EMCN: variants seen among roughly 807,000 people sequenced by gnomAD.
The protein encoded by EMCN is endomucin, also known as MUC-14.
Under a neutral mutation model 38.4 loss-of-function variants are expected in EMCN, and 37 were observed. The ratio of observed to expected loss-of-function variants is 0.96; its 90% CI spans 0.74 to 1.27. The LOEUF is 1.27. Ranked by LOEUF, EMCN falls within the 50% of genes most tolerant of loss-of-function variation. EMCN has a pLI of 0.00. For missense variants in EMCN, 318 were observed against 302.8 expected (o/e 1.05, Z -0.37); for synonymous variants, 95 against 100.8 (o/e 0.94, Z 0.35).
rs1157392499 is a variant in EMCN, at chr4:100,446,277, G to T, written c.415+1256C>A. ...GAAGATGGAAATAATAAAAAATATG[G>T]TGATTAATGAATTAAAAAAATGGTG... On this transcript the variant is annotated intron_variant, in intron 5 of 11. Transcript: ENST00000296420. The T allele has an allele frequency of 2.5e-5, 21 of 850,588 alleles. No homozygotes were observed. In the East Asian group the frequency reaches 2.2e-3, roughly 89 times the overall value. 52.7% of individuals were successfully genotyped at this position (850,588 alleles called of 1,614,324 possible). A position where few individuals can be genotyped will look rare whatever the true frequency, so the allele number is the denominator to read the frequency against.
At chr4:100,432,752 T>C (rs1727236945) in intron 5 of EMCN, among the ~76,000 whole-genome samples, 1 of 152,158 alleles carries the variant, frequency 6.6e-6, no homozygotes, top group Non-Finnish European at 1.5e-5. Flanking sequence ...AGTGGAGATG[T>C]CTTTAGATCT....
At chr4:100,463,015 A>G (rs1411931141) in intron 4 of EMCN, among the ~76,000 whole-genome samples, 1 of 152,140 alleles carries the variant, frequency 6.6e-6, no homozygotes, top group Non-Finnish European at 1.5e-5. Flanking sequence ...ATTTCTTAGT[A>G]AGGACTATGG....
At chr4:100,494,946 T>C (rs1729173403) in intron 1 of EMCN, among the ~76,000 whole-genome samples, 1 of 151,838 alleles carries the variant, frequency 6.6e-6, no homozygotes, top group African/African-American at 2.4e-5. Context: ...TAATTAACTG[T>C]ATTTTTTTTG....
At chr4:100,419,571 T>G (rs77505208) in intron 8 of EMCN, among the ~76,000 whole-genome samples, 4,097 of 152,258 alleles carry the variant, frequency 0.027, 192 homozygotes, top group African/African-American at 0.092. Flanking sequence ...AAAGTAATTT[T>G]TAGTATAGCA....
At chr4:100,413,963 C>T (rs893084615) in intron 10 of EMCN, among the ~76,000 whole-genome samples, 7 of 152,170 alleles carry the variant, frequency 4.6e-5, no homozygotes, top group Admixed American at 1.3e-4. Context: ...AGAGCCTACA[C>T]GGAATTTTCC....
intron 5 of EMCN, among the ~76,000 whole-genome samples, chr4:100,427,534 A>T (rs1290835905): frequency 7.1e-6 from 1 of 140,808 alleles, no homozygotes; most frequent in African/African-American, 2.7e-5. Context: ...TGATCTTCCC[A>T]CCTCAGCCTC....
At chr4:100,492,604 A>G (rs1007049260) in intron 1 of EMCN, among the ~76,000 whole-genome samples, 5 of 152,210 alleles carry the variant, frequency 3.3e-5, no homozygotes, top group Non-Finnish European at 7.4e-5. Context: ...ACCAAGACAC[A>G]TCACAATCAA....
At chr4:100,501,973 C>G (rs935340331) in intron 1 of EMCN, among the ~76,000 whole-genome samples, 2 of 151,782 alleles carry the variant, frequency 1.3e-5, no homozygotes, top group African/African-American at 4.8e-5. Context: ...ATTGAAGATG[C>G]AGCACACAAG....
At position 100,517,847 on chromosome 4, in the gene EMCN, A is replaced by G; in HGVS notation, c.64+4T>C. 3 of 1,612,494 alleles carry G rather than the reference A, an allele frequency of 1.9e-6. No individual in the cohort carries two copies. The highest frequency in any genetic ancestry group is 2.5e-6 in the Non-Finnish European group (3 of 1,178,814). ...ACCACCAGAGGAATAAGAGACAAAA[A>G]TACCTGTGCTGTTACTGCTGCAAAT... On this transcript the variant is annotated splice_donor_region_variant and intron_variant, in intron 1 of 11. Transcript: ENST00000296420.
chr4:100,509,340 C>T lies in EMCN; in HGVS notation c.64+8511G>A, dbSNP rs1156479824. ...GAAAAAATAAAAAGTTCACTGATCA[C>T]ATCATTTAATTATTCTAATCCCAAT... On this transcript the variant is annotated intron_variant, in intron 1 of 11. Coordinates refer to ENST00000296420, the MANE Select transcript of EMCN (RefSeq NM_016242.4). Among the ~76,000 whole-genome samples the T allele has an allele frequency of 2.6e-5, 4 of 152,308 alleles. No homozygotes were observed. In the Middle Eastern group the frequency reaches 0.01, roughly 389 times the overall value.
chr4:100,463,369 C>T (rs1381707111), intron 4 of EMCN, among the ~76,000 whole-genome samples: 1 of 152,132 alleles, frequency 6.6e-6, no homozygotes, highest in African/African-American at 2.4e-5. Flanking sequence ...AACTTCGCAC[C>T]TTCAATTCCC....
At chr4:100,408,726 T>C (rs2110208356) in intron 11 of EMCN, among the ~76,000 whole-genome samples, 1 of 152,142 alleles carries the variant, frequency 6.6e-6, no homozygotes, top group African/African-American at 2.4e-5. Context: ...AAGCTTAGGA[T>C]TTTTTCTCTC....
chr4:100,430,891 A>G (rs75189001), intron 5 of EMCN, among the ~76,000 whole-genome samples: 3,916 of 152,308 alleles, frequency 0.026, 69 homozygotes, highest in Non-Finnish European at 0.041. Context: ...AAAAAAATCT[A>G]GATATTACTC....
intron 7 of EMCN, among the ~76,000 whole-genome samples, chr4:100,422,435 A>G (rs1262454389): frequency 6.6e-6 from 1 of 152,076 alleles, no homozygotes; most frequent in Non-Finnish European, 1.5e-5. Flanking sequence ...CTTAATTACT[A>G]AGGAAGTTAT....
chr4:100,474,510 A>G (rs898238326), intron 3 of EMCN, among the ~76,000 whole-genome samples: 1 of 152,230 alleles, frequency 6.6e-6, no homozygotes, highest in Non-Finnish European at 1.5e-5. Flanking sequence ...TATACTTAAG[A>G]GAAATGAAAA....
chr4:100,438,062 A>G (rs774048250), intron 5 of EMCN, among the ~76,000 whole-genome samples: 1 of 151,862 alleles, frequency 6.6e-6, no homozygotes, highest in Non-Finnish European at 1.5e-5. Flanking sequence ...GTCTCCTTCA[A>G]ATTCTTTTAT....
At chr4:100,454,079 C>T (rs191801224) in intron 4 of EMCN, among the ~76,000 whole-genome samples, 3 of 151,082 alleles carry the variant, frequency 2.0e-5, no homozygotes, top group Admixed American at 6.6e-5. Flanking sequence ...TGCTAAATGA[C>T]GAGTTAATGG....
At chr4:100,417,317 A>T (rs1325459299) in intron 8 of EMCN, among the ~76,000 whole-genome samples, 176 bp from the exon 9 acceptor site, 1 of 152,182 alleles carries the variant, frequency 6.6e-6, no homozygotes, top group Non-Finnish European at 1.5e-5. Flanking sequence ...GGTATGGTTA[A>T]TACTTATCCT....
intron 5 of EMCN, among the ~76,000 whole-genome samples, chr4:100,442,987 T>C (rs1435874480): frequency 6.6e-6 from 1 of 152,148 alleles, no homozygotes; most frequent in Non-Finnish European, 1.5e-5. Flanking sequence ...GTAGCTGGCA[T>C]TACAGGTGTG....
Sources: gnomAD v4.1 joint callset for allele counts (sites outside exome capture counted in the v4.1 genomes callset) on GRCh38, gnomAD v4.1.1 for gene constraint, MANE v1.5 for transcripts, NCBI Gene and HGNC (gene_info 2026-07-23, HGNC 2026-07-21) for gene names.